ASXL3: variants seen among roughly 807,000 people sequenced by gnomAD.
The protein encoded by ASXL3 is ASXL transcriptional regulator 3.
A neutral mutation model predicts 170.6 loss-of-function variants in ASXL3; 34 were observed. The observed-to-expected ratio is 0.20, with a 90% CI of 0.15 to 0.27. The LOEUF (loss-of-function observed/expected upper bound fraction) is 0.27, where lower values mean the gene tolerates loss of function less well. Ranked by LOEUF, ASXL3 falls within the 10% of genes least tolerant of loss-of-function variation. The pLI, the probability that ASXL3 is intolerant of heterozygous loss-of-function variation, is 1.00. For synonymous variants in ASXL3, 1,002 were observed against 989.1 expected, an observed-to-expected ratio of 1.01 and a Z score of -0.24; for missense variants, 2,592 against 2,695.3, an observed-to-expected ratio of 0.96 and a Z score of 0.85.
rs562975751 is a variant in ASXL3 at position 33,744,772 on chromosome 18, A to G, written c.4924A>G (p.Ile1642Val). The stretch of plus-strand genomic sequence containing the variant: ...TCTAGAGCAAAGCTGTCCAAAGGCT[A>G]TCAAAACTGAACATGCCAACTACTT... ...EYLEQSCPKA[I>V]KTEHANYLNV... Residue 1642 changes from isoleucine to valine, a missense_variant, in exon 12 of 12, where the codon ATC (isoleucine) becomes GTC (valine). Around this residue, in one of 4 missense-constraint regions of ASXL3, gnomAD observed 2,246 missense variants for 2,219.6 expected, o/e 1.01. Transcript: ENST00000269197. 3.0e-5 allele frequency: 49 copies of G among 1,614,050 alleles called. No individual in the cohort carries two copies. In the Admixed American group the frequency reaches 3.7e-4, roughly 12 times the overall value.
At chr18:33,718,493 G>A (rs555900869) in intron 8 of ASXL3, among the ~76,000 whole-genome samples, 1 of 152,150 alleles carries the variant, frequency 6.6e-6, no homozygotes, top group East Asian at 1.9e-4. Flanking sequence ...TCATGGTCAG[G>A]AGTCTGGGCA....
At chr18:33,714,977 C>A (rs1218903321) in intron 8 of ASXL3, among the ~76,000 whole-genome samples, 1 of 152,126 alleles carries the variant, frequency 6.6e-6, no homozygotes, top group Non-Finnish European at 1.5e-5. Context: ...GATTGCAAAG[C>A]TTCAAATCCC....
At chr18:33,687,577 G>A (rs760919960) in intron 8 of ASXL3, among the ~76,000 whole-genome samples, 1 of 152,078 alleles carries the variant, frequency 6.6e-6, no homozygotes, top group Non-Finnish European at 1.5e-5. Flanking sequence ...CAAATGAAAC[G>A]GGTTCATTCC....
At chr18:33,736,280 A>G (rs1214288573) in intron 10 of ASXL3, among the ~76,000 whole-genome samples, 1 of 152,102 alleles carries the variant, frequency 6.6e-6, no homozygotes, top group Non-Finnish European at 1.5e-5. Context: ...ATGATATTAT[A>G]AATAAACATG....
At chr18:33,734,479 C>A in intron 10 of ASXL3, 64 bp downstream of exon 10, 2 of 1,027,282 alleles carry the variant, frequency 1.9e-6, no homozygotes, top group Non-Finnish European at 2.9e-6. Flanking sequence ...TTCTCTGCTT[C>A]ACATAGCACA....
At chr18:33,673,512 A>G (rs1159631594) in intron 7 of ASXL3, among the ~76,000 whole-genome samples, 4 of 151,620 alleles carry the variant, frequency 2.6e-5, no homozygotes, top group African/African-American at 9.7e-5. Context: ...TAGCTGAGGC[A>G]CTGCCACCAT....
Position 33,744,993 on chromosome 18 carries a change from C to T in ASXL3, c.5145C>T (p.Pro1715=), listed in dbSNP as rs2067751139. ...TQNMKASTSS[P]MEEAISLATD... is the part of the protein sequence containing the mutation. The stretch of plus-strand genomic sequence containing the variant: ...ACATGAAAGCTTCCACCTCAAGTCC[C>T]ATGGAAGAGGCTATTTCCTTGGCTA... The change falls in exon 12 of 12, where the codon CCC becomes CCT. Residue 1715 remains proline (P), a synonymous_variant. Transcript: ENST00000269197. 6.2e-7 allele frequency: 1 copy of T among 1,613,902 alleles called. No individual in the cohort carries two copies. The highest frequency in any genetic ancestry group is 1.7e-5 in the Admixed American group (1 of 60,006).
intron 8 of ASXL3, among the ~76,000 whole-genome samples, chr18:33,717,762 G>T (rs1164218109): frequency 6.6e-6 from 1 of 151,730 alleles, no homozygotes; most frequent in African/African-American, 2.4e-5. Context: ...TAGTTTTTTT[G>T]GCCTTAGAGG....
intron 5 of ASXL3, among the ~76,000 whole-genome samples, chr18:33,663,938 T>C (rs2066217244): frequency 1.3e-5 from 2 of 151,992 alleles, no homozygotes. Context: ...TAAATACATA[T>C]ATATATATTT....
At chr18:33,597,681 T>C (rs953049823) in intron 1 of ASXL3, among the ~76,000 whole-genome samples, 1 of 151,996 alleles carries the variant, frequency 6.6e-6, no homozygotes, top group Admixed American at 6.6e-5. Context: ...GGTGAAACAC[T>C]TGGACAAGGA....
At chr18:33,637,373 T>C (rs2065783630) in intron 2 of ASXL3, among the ~76,000 whole-genome samples, 1 of 152,132 alleles carries the variant, frequency 6.6e-6, no homozygotes, top group South Asian at 2.1e-4. Context: ...ATAATATATA[T>C]TAATGTATTT....
intron 2 of ASXL3, among the ~76,000 whole-genome samples, chr18:33,624,311 C>A (rs1175402602): frequency 2.7e-5 from 4 of 149,024 alleles, no homozygotes; most frequent in African/African-American, 9.9e-5. Context: ...TTTTTTTTTA[C>A]TGTGAAGTTA....
intron 2 of ASXL3, among the ~76,000 whole-genome samples, chr18:33,622,420 G>T (rs1209159793): frequency 1.3e-5 from 2 of 152,182 alleles, no homozygotes; most frequent in Admixed American, 6.6e-5. Context: ...TTTTCAGATT[G>T]TTTTTCTTAG....
chr18:33,668,392 C>T (rs1244201437), intron 5 of ASXL3, among the ~76,000 whole-genome samples: 1 of 148,122 alleles, frequency 6.8e-6, no homozygotes, highest in Non-Finnish European at 1.5e-5. Flanking sequence ...TGCACCACTG[C>T]ACTCCAGCCT....
chr18:33,662,314 T>C (rs1002297235), intron 5 of ASXL3, among the ~76,000 whole-genome samples: 2 of 152,188 alleles, frequency 1.3e-5, no homozygotes, highest in African/African-American at 4.8e-5. Context: ...AAGGTTGGGC[T>C]CTGGGCACGG....
At chr18:33,716,841 T>A (rs2067172592) in intron 8 of ASXL3, among the ~76,000 whole-genome samples, 1 of 151,960 alleles carries the variant, frequency 6.6e-6, no homozygotes, top group African/African-American at 2.4e-5. Context: ...GTGTAATACT[T>A]TCTGGTTGTG....
At position 33,744,758 on chromosome 18, in the gene ASXL3, G is replaced by C. The variant is rs368518190; in HGVS notation, c.4910G>C (p.Ser1637Thr). 9.9e-6 allele frequency: 16 copies of C among 1,613,896 alleles called. No individual in the cohort carries two copies. Among genetic ancestry groups the C allele is most frequent in the Non-Finnish European group, 1.3e-5 (15 of 1,179,914 alleles). The change falls in exon 12 of 12, where the codon AGC becomes ACC. Residue 1637 changes from serine (S) to threonine (T), a missense_variant. By Grantham distance (58) the Ser-to-Thr change is moderately conservative (BLOSUM62 1). Around this residue, in one of 4 missense-constraint regions of ASXL3, gnomAD observed 2,246 missense variants for 2,219.6 expected, o/e 1.01. Transcript: ENST00000269197. ...AAACAAAAAGAATATCTAGAGCAAAGCTGTCCAAAGGCTATCAAAACTGAA... is the reference window on the plus strand; with the variant it reads ...AAACAAAAAGAATATCTAGAGCAAACCTGTCCAAAGGCTATCAAAACTGAA... The part of the protein sequence containing the change: ...SSKQKEYLEQ[S>T]CPKAIKTEHA...
intron 8 of ASXL3, among the ~76,000 whole-genome samples, chr18:33,716,829 C>T (rs2067172406): frequency 6.6e-6 from 1 of 150,670 alleles, no homozygotes; most frequent in Non-Finnish European, 1.5e-5. Flanking sequence ...ATAGATTACT[C>T]AGTGTAATAC....
intron 2 of ASXL3, among the ~76,000 whole-genome samples, chr18:33,621,995 A>G (rs746238841): frequency 8.5e-5 from 13 of 152,202 alleles, no homozygotes; most frequent in Non-Finnish European, 1.6e-4. Context: ...ATATAATCAC[A>G]GTAAAATATA....
Sources: gnomAD v4.1 joint callset for allele counts (sites outside exome capture counted in the v4.1 genomes callset) on GRCh38, gnomAD v4.1.1 for gene constraint, gnomAD v4.1.1 regional missense constraint, MANE v1.5 for transcripts, NCBI Gene and HGNC (gene_info 2026-07-23, HGNC 2026-07-21) for gene names.